CASZ1: variants seen among roughly 807,000 people sequenced by gnomAD.
CASZ1 encodes the protein zinc finger protein castor homolog 1.
Under a neutral mutation model 135.2 loss-of-function variants are expected in CASZ1, and 28 were observed. The ratio of observed to expected loss-of-function variants is 0.21; its 90% confidence interval spans 0.15 to 0.28. The LOEUF (loss-of-function observed/expected upper bound fraction) is 0.28. Ranked by LOEUF, CASZ1 falls within the 10% of genes least tolerant of loss-of-function variation. The probability of loss-of-function intolerance (pLI) is 1.00; values close to 1 mark genes in which losing one functional copy is unlikely to be tolerated. For synonymous variants in CASZ1, 1,068 were observed against 1,073.4 expected, an observed-to-expected ratio of 0.99 and a Z score of 0.10; for missense variants, 2,161 against 2,453.3, an observed-to-expected ratio of 0.88 and a Z score of 2.52.
chr1:10,731,911 A>G (rs535772008), intron 2 of CASZ1, among the ~76,000 whole-genome samples: 2 of 152,336 alleles, frequency 1.3e-5, no homozygotes, highest in East Asian at 1.9e-4. Flanking sequence ...ATTCTCAAAA[A>G]TATGTTCTTT....
intron 13 of CASZ1, 37 bp from the exon 14 acceptor site, chr1:10,649,474 G>C: frequency 6.4e-7 from 1 of 1,571,904 alleles, no homozygotes; most frequent in Non-Finnish European, 8.7e-7. Flanking sequence ...GGCTGGGGTA[G>C]CTTAGAACAC....
rs979573648 is a variant in CASZ1, at chr1:10,646,651, T to A, written c.3498-325A>T. ...AGGATGGCTGTAATAACTTCTTGGATCGGAAAATAAGGATGGTGCTGCCAG... is the reference window on the plus strand; with the variant it reads ...AGGATGGCTGTAATAACTTCTTGGAACGGAAAATAAGGATGGTGCTGCCAG... On this transcript the variant is annotated intron_variant, in intron 16 of 20. Coordinates refer to ENST00000377022, the MANE Select transcript of CASZ1 (RefSeq NM_001079843.3). The surrounding 1 kb of genome is among the most constrained non-coding windows in gnomAD (Gnocchi z 6.4). Among the ~76,000 whole-genome samples, 166 of 152,258 alleles carry A rather than the reference T, an allele frequency of 1.1e-3. No homozygotes were observed. Among genetic ancestry groups the A allele is most frequent in the African/African-American group, 3.9e-3 (160 of 41,554 alleles).
At chr1:10,772,728 C>T (rs1640597587) in intron 1 of CASZ1, among the ~76,000 whole-genome samples, 2 of 152,176 alleles carry the variant, frequency 1.3e-5, no homozygotes, top group South Asian at 4.1e-4. Context: ...TAAGCCAATG[C>T]AGAGACACCA....
At chr1:10,681,837 G>C (rs1466221789) in intron 4 of CASZ1, among the ~76,000 whole-genome samples, 5 of 152,206 alleles carry the variant, frequency 3.3e-5, no homozygotes, top group African/African-American at 1.2e-4. Context: ...GGGTGGGACT[G>C]AGCTGAAGCC....
At chr1:10,792,785 C>G (rs1357167813) in intron 1 of CASZ1, among the ~76,000 whole-genome samples, 1 of 146,648 alleles carries the variant, frequency 6.8e-6, no homozygotes, top group African/African-American at 2.5e-5. Context: ...ACATACCAGA[C>G]AGAGGTTATC....
intron 1 of CASZ1, among the ~76,000 whole-genome samples, chr1:10,792,388 G>A (rs1414016609): frequency 1.4e-5 from 2 of 141,088 alleles, no homozygotes; most frequent in South Asian, 4.8e-4. Flanking sequence ...GGGGTTGGGG[G>A]GGGTGTCCAG....
rs371293490 is a variant in CASZ1 at position 10,732,999 on chromosome 1, T to C, written c.-76-27455A>G. Reference sequence around the variant, plus strand: ...AGCAAAGGCGGGCTCTGGCTCACCTTGCTCTGTTCTGCCTGGGAAAGCCCA... The same window carrying C: ...AGCAAAGGCGGGCTCTGGCTCACCTCGCTCTGTTCTGCCTGGGAAAGCCCA... On this transcript the variant is annotated intron_variant, in intron 2 of 20. Coordinates refer to ENST00000377022, the MANE Select transcript of CASZ1 (RefSeq NM_001079843.3). Among the ~76,000 whole-genome samples the C allele has an allele frequency of 3.3e-5, 5 of 152,310 alleles. No individual in the cohort carries two copies. In the East Asian group the frequency reaches 9.7e-4, roughly 29 times the overall value.
Position 10,719,886 on chromosome 1 carries a change from G to A in CASZ1, c.-76-14342C>T, listed in dbSNP as rs537900472. On this transcript the variant is annotated intron_variant, in intron 2 of 20. Transcript: ENST00000377022. This position sits in a 1 kb window ranked among gnomAD's most constrained non-coding sequence, Gnocchi z 4.0. ...AGGCAGCTCCCAGCCCCTGAGAGGA[G>A]GCAAATCTTGTCTTCTTGGTGCAGT... is the stretch of plus-strand genomic sequence containing the variant. Among the ~76,000 whole-genome samples, 5 of 152,398 alleles carry A rather than the reference G, an allele frequency of 3.3e-5. No individual in the cohort carries two copies. The highest frequency in any genetic ancestry group is 1.2e-4 in the African/African-American group (5 of 41,604).
At chr1:10,768,110 A>G (rs1389583120) in intron 1 of CASZ1, among the ~76,000 whole-genome samples, 1 of 152,220 alleles carries the variant, frequency 6.6e-6, no homozygotes, top group Non-Finnish European at 1.5e-5. Flanking sequence ...GGTGCTTCCC[A>G]TGAGGCAGGC....
chr1:10,707,000 C>T lies in CASZ1; in HGVS notation c.-76-1456G>A, dbSNP rs974472855. 5.3e-5 allele frequency among the ~76,000 whole-genome samples: 8 copies of T among 152,018 alleles called. No individual in the cohort carries two copies. Among genetic ancestry groups the T allele is most frequent in the Admixed American group, 3.3e-4 (5 of 15,278 alleles). ...GGCCGGCAGGGAGGGTCACAGGGTC[C>T]GGGGATGGAGACCCCCAGGCCTCCA... On this transcript the variant is annotated intron_variant, in intron 2 of 20. Transcript: ENST00000377022. This position sits in a 1 kb window ranked among gnomAD's most constrained non-coding sequence, Gnocchi z 4.3.
intron 2 of CASZ1, among the ~76,000 whole-genome samples, chr1:10,715,580 C>T (rs1639364957): frequency 7.3e-6 from 1 of 136,696 alleles, no homozygotes; most frequent in Admixed American, 7.4e-5. Context: ...ATCCGCACCT[C>T]ACAGCACCCA....
At chr1:10,742,431 C>T (rs1639942300) in intron 2 of CASZ1, among the ~76,000 whole-genome samples, 1 of 152,162 alleles carries the variant, frequency 6.6e-6, no homozygotes, top group Admixed American at 6.5e-5. Flanking sequence ...CTGGTCCAGG[C>T]TGTGTAAAGT....
At chr1:10,753,551 G>T (rs1570561153) in intron 2 of CASZ1, among the ~76,000 whole-genome samples, 3 of 152,326 alleles carry the variant, frequency 2.0e-5, no homozygotes, top group African/African-American at 4.8e-5. Context: ...ATTAGCTAAA[G>T]CGGATCGGTC....
intron 1 of CASZ1, among the ~76,000 whole-genome samples, chr1:10,795,659 GC>G (rs1381508847): frequency 6.6e-6 from 1 of 152,222 alleles, no homozygotes; most frequent in African/African-American, 2.4e-5. Flanking sequence ...CTGGGCCGAT[GC>G]CCCGGCTCCC....
chr1:10,792,319 T>TCCTCC (rs1640971897), intron 1 of CASZ1, among the ~76,000 whole-genome samples: 1 of 16,918 alleles, frequency 5.9e-5, no homozygotes. Context: ...GGCTTACCCC[T>TCCTCC]CCCCCCCGCC....
Position 10,673,879 on chromosome 1 carries a change from C to T in CASZ1, c.17-8308G>A, listed in dbSNP as rs115653901. Among the ~76,000 whole-genome samples the T allele has an allele frequency of 6.9e-3, 1,051 of 152,334 alleles. 15 individuals carry two copies. The highest frequency in any genetic ancestry group is 0.024 in the African/African-American group (981 of 41,572). On this transcript the variant is annotated intron_variant, in intron 4 of 20. Transcript: ENST00000377022. Reference sequence around the variant, plus strand: ...ATCCATGCCTCGGGCTGAGGCCAGGCGCCCTGGGTCTTGCCCTCCTTGCCC... The same window carrying T: ...ATCCATGCCTCGGGCTGAGGCCAGGTGCCCTGGGTCTTGCCCTCCTTGCCC...
chr1:10,656,545 A>T, intron 8 of CASZ1, 101 bp downstream of exon 8: 1 of 875,028 alleles, frequency 1.1e-6, no homozygotes, highest in Non-Finnish European at 1.8e-6. Flanking sequence ...TGGTGCAACT[A>T]GAACTAACCC....
chr1:10,752,333 T>C (rs982002056), intron 2 of CASZ1, among the ~76,000 whole-genome samples: 5 of 152,142 alleles, frequency 3.3e-5, no homozygotes, highest in Non-Finnish European at 4.4e-5. Flanking sequence ...CCCAGAAACT[T>C]CAGGTGGCCT....
At chr1:10,714,941 A>G in intron 2 of CASZ1, among the ~76,000 whole-genome samples, 1 of 151,746 alleles carries the variant, frequency 6.6e-6, no homozygotes, top group South Asian at 2.1e-4. Flanking sequence ...CTGTTGCTCC[A>G]GCATCCAAAG....
Sources: allele counts gnomAD v4.1 joint callset (sites outside exome capture counted in the v4.1 genomes callset), GRCh38; gene constraint gnomAD v4.1.1; non-coding constraint Gnocchi (gnomAD v3.1); transcripts MANE v1.5; gene names NCBI Gene and HGNC (gene_info 2026-07-23, HGNC 2026-07-21).